BCKDHB: variants seen among roughly 807,000 people sequenced by gnomAD.
BCKDHB encodes the protein 2-oxoisovalerate dehydrogenase subunit beta, mitochondrial.
BCKDHB carries 41 observed loss-of-function variants against 48.5 expected under a neutral mutation model. That is an observed-to-expected ratio of 0.85 (90% CI 0.66 to 1.10). The LOEUF (loss-of-function observed/expected upper bound fraction) is 1.10, where lower values mean the gene tolerates loss of function less well. BCKDHB is among the 50% of genes least tolerant of loss of function. BCKDHB has a pLI of 0.00. For missense variants in BCKDHB, 496 were observed against 494.2 expected, an observed-to-expected ratio of 1.00 and a Z score of -0.03; for synonymous variants, 201 against 174.8, an observed-to-expected ratio of 1.15 and a Z score of -1.18.
intron 8 of BCKDHB, among the ~76,000 whole-genome samples, chr6:80,224,607 GCTGGTCTTGAACTC>G (rs1277094549): frequency 1.3e-5 from 2 of 152,104 alleles, no homozygotes; most frequent in African/African-American, 4.8e-5. Flanking sequence ...TGTTGCCTAG[GCTGGTCTTGAACTC>G]CTGAGCTCAA....
the BCKDHB span, among the ~76,000 whole-genome samples, chr6:80,431,180 A>C: frequency 6.6e-6 from 1 of 152,170 alleles, no homozygotes; most frequent in Non-Finnish European, 1.5e-5. Flanking sequence ...CTGTGGACTG[A>C]GAGACTGTTT....
the BCKDHB span, among the ~76,000 whole-genome samples, chr6:80,395,286 G>A: frequency 6.6e-6 from 1 of 152,158 alleles, no homozygotes; most frequent in Admixed American, 6.5e-5. Context: ...GACTTGCAGG[G>A]CTCAGAAGAC....
chr6:80,177,225 C>CAAAAAAAAAAAAAAAA, intron 6 of BCKDHB, among the ~76,000 whole-genome samples: 1 of 43,150 alleles, frequency 2.3e-5, no homozygotes, highest in Non-Finnish European at 4.1e-5. Context: ...GACCTTGTCT[C>CAAAAAAAAAAAAAAAA]AAAAAAAAAA....
At chr6:80,466,140 G>A in the BCKDHB span, among the ~76,000 whole-genome samples, 2 of 152,154 alleles carry the variant, frequency 1.3e-5, no homozygotes, top group Non-Finnish European at 2.9e-5. Flanking sequence ...TTCCTACCAG[G>A]TAATTTCTGC....
the BCKDHB span, among the ~76,000 whole-genome samples, chr6:80,354,659 T>G: frequency 2.6e-5 from 4 of 152,202 alleles, no homozygotes; most frequent in Non-Finnish European, 5.9e-5. Flanking sequence ...TACTATTACG[T>G]TTTTAATTCA....
rs572201409 is a variant in BCKDHB at position 80,251,440 on chromosome 6, A to G, written c.952-21695A>G. On this transcript the variant is annotated intron_variant, in intron 8 of 9. Coordinates refer to ENST00000320393, the MANE Select transcript of BCKDHB (RefSeq NM_183050.4). ...CTAGTGAACACAGTCTGTCACAGGG[A>G]TATGGGAAAAAGGCAAAATTGTATT... 2.0e-5 allele frequency among the ~76,000 whole-genome samples: 3 copies of G among 152,316 alleles called. No individual in the cohort carries two copies. In the East Asian group the frequency reaches 5.8e-4, roughly 29 times the overall value.
intron 8 of BCKDHB, among the ~76,000 whole-genome samples, chr6:80,242,214 C>T (rs1366697368): frequency 6.6e-6 from 1 of 152,068 alleles, no homozygotes; most frequent in Non-Finnish European, 1.5e-5. Flanking sequence ...CACCTTTAAT[C>T]ATACTTGATA....
the BCKDHB span, among the ~76,000 whole-genome samples, chr6:80,448,038 T>C: frequency 1.3e-5 from 2 of 152,180 alleles, no homozygotes; most frequent in African/African-American, 2.4e-5. Context: ...CATATCATGG[T>C]AGGTACTATG....
chr6:80,436,069 G>T, the BCKDHB span, among the ~76,000 whole-genome samples: 1 of 145,398 alleles, frequency 6.9e-6, no homozygotes, highest in African/African-American at 2.5e-5. Context: ...CAAATCTATT[G>T]TCTGTTGGCA....
chr6:80,275,306 G>A (rs1490181901), intron 9 of BCKDHB, among the ~76,000 whole-genome samples: 1 of 152,066 alleles, frequency 6.6e-6, no homozygotes. Context: ...GTGTGCACAT[G>A]CACTCTTAAT....
chr6:80,436,692 T>C, the BCKDHB span, among the ~76,000 whole-genome samples: 1 of 152,214 alleles, frequency 6.6e-6, no homozygotes, highest in South Asian at 2.1e-4. Context: ...TTACTTATAG[T>C]GCTTTTCATA....
intron 1 of BCKDHB, among the ~76,000 whole-genome samples, chr6:80,110,534 C>A (rs367896934): frequency 5.9e-5 from 9 of 152,304 alleles, no homozygotes; most frequent in African/African-American, 1.9e-4. Flanking sequence ...TCCTGAAAAC[C>A]CTGAGGGAGA....
intron 8 of BCKDHB, among the ~76,000 whole-genome samples, chr6:80,204,853 A>G (rs1418296767): frequency 6.6e-6 from 1 of 152,008 alleles, no homozygotes; most frequent in African/African-American, 2.4e-5. Flanking sequence ...TCACTGTGTT[A>G]AATCTGTTGG....
the BCKDHB span, among the ~76,000 whole-genome samples, chr6:80,420,165 G>A: frequency 6.6e-6 from 1 of 152,228 alleles, no homozygotes; most frequent in East Asian, 1.9e-4. Flanking sequence ...TTTAAGGTCA[G>A]CCACTACCCA....
At chr6:80,396,931 A>G in the BCKDHB span, among the ~76,000 whole-genome samples, 20 of 152,232 alleles carry the variant, frequency 1.3e-4, no homozygotes, top group Admixed American at 9.8e-4. Context: ...ACTGCCTATG[A>G]TTGCTCATAT....
intron 8 of BCKDHB, among the ~76,000 whole-genome samples, chr6:80,229,743 A>G (rs1029788275): frequency 1.8e-4 from 27 of 152,164 alleles, no homozygotes; most frequent in Admixed American, 5.2e-4. Context: ...CTTGAAATAC[A>G]ATGACTGTTT....
At chr6:80,448,566 G>T in the BCKDHB span, among the ~76,000 whole-genome samples, 5 of 152,212 alleles carry the variant, frequency 3.3e-5, no homozygotes, top group Non-Finnish European at 7.4e-5. Context: ...AGAATCACTT[G>T]TGGGACAAGG....
chr6:80,252,878 T>A (rs1467396594), intron 8 of BCKDHB, among the ~76,000 whole-genome samples: 1 of 152,132 alleles, frequency 6.6e-6, no homozygotes, highest in Non-Finnish European at 1.5e-5. Context: ...TTTGTAAAGT[T>A]CTGTATAGTC....
chr6:80,210,528 A>G (rs1774874548), intron 8 of BCKDHB, among the ~76,000 whole-genome samples: 1 of 152,132 alleles, frequency 6.6e-6, no homozygotes, highest in Admixed American at 6.6e-5. Flanking sequence ...TTGAAAACTG[A>G]GCCGAACACT....
Sources: gnomAD v4.1 joint callset for allele counts (sites outside exome capture counted in the v4.1 genomes callset) on GRCh38, gnomAD v4.1.1 for gene constraint, MANE v1.5 for transcripts, NCBI Gene and HGNC (gene_info 2026-07-23, HGNC 2026-07-21) for gene names.